PCDH12: variants seen among roughly 807,000 people sequenced by gnomAD.
The protein encoded by PCDH12 is protocadherin 12, also known as protocadherin-12.
A neutral mutation model predicts 70.9 loss-of-function variants in PCDH12; 45 were observed. That is an observed-to-expected ratio of 0.63 (90% CI 0.50 to 0.81). The LOEUF is 0.81. PCDH12 is among the 40% of genes least tolerant of loss of function. PCDH12 has a pLI of 0.00. For synonymous variants in PCDH12, 567 were observed against 626.0 expected, an observed-to-expected ratio of 0.91 and a Z score of 1.41; for missense variants, 1,370 against 1,491.7, an observed-to-expected ratio of 0.92 and a Z score of 1.34.
Position 141,955,266 on chromosome 5 carries a change from G to T in PCDH12, c.2586C>A (p.Asn862Lys). The T allele has an allele frequency of 6.2e-7, 1 of 1,614,230 alleles. No homozygotes were observed. ...CAGGCTGGGGCTCGGGAAGGTTCAGGTTCTCCCGGGAGGCATTCCTCTGCC... is the reference window on the plus strand; with the variant it reads ...CAGGCTGGGGCTCGGGAAGGTTCAGTTTCTCCCGGGAGGCATTCCTCTGCC... ...HPRQRNASRE[N>K]LNLPEPQPAT... is the part of the protein sequence containing the mutation. The change falls in exon 1 of 4, where the codon AAC becomes AAA. Residue 862 changes from asparagine (N) to lysine (K), a missense_variant. Coordinates refer to ENST00000231484, the MANE Select transcript of PCDH12 (RefSeq NM_016580.4). The surrounding 1 kb of genome is among the most constrained non-coding windows in gnomAD (Gnocchi z 5.5).
At chr5:141,949,170 G>C (rs1273968315) in intron 3 of PCDH12, among the ~76,000 whole-genome samples, 1 of 151,972 alleles carries the variant, frequency 6.6e-6, no homozygotes, top group Non-Finnish European at 1.5e-5. Flanking sequence ...GCTGCAGTGA[G>C]CTGTGATCAT....
rs1753161833 is a variant in PCDH12 at position 141,955,402 on chromosome 5, T to G, written c.2450A>C (p.His817Pro). The stretch of plus-strand genomic sequence containing the variant: ...CGTCCTGTACAGGGTCGGGGTGAGG[T>G]GGAAGGGGGCCTGCAGGCAGGGGTC... ...GWDPCLQAPF[H>P]LTPTLYRTLR... The change falls in exon 1 of 4, where the codon CAC (histidine) becomes CCC (proline). Residue 817 changes from histidine (H) to proline (P), a missense_variant. Physicochemically the swap from His to Pro is moderately conservative, Grantham distance 77 (BLOSUM62 -2). Coordinates refer to ENST00000231484, the MANE Select transcript of PCDH12 (RefSeq NM_016580.4). The surrounding 1 kb of genome is among the most constrained non-coding windows in gnomAD (Gnocchi z 5.5). 1 of 1,613,728 alleles carries G rather than the reference T, an allele frequency of 6.2e-7. No individual in the cohort carries two copies. The highest frequency in any genetic ancestry group is 1.7e-5 in the Admixed American group (1 of 59,976).
At chr5:141,951,377 C>A (rs1596644078) in intron 2 of PCDH12, 116 bp downstream of exon 2, 1 of 764,426 alleles carries the variant, frequency 1.3e-6, no homozygotes, top group Non-Finnish European at 2.3e-6. Flanking sequence ...CTGCTGCACC[C>A]TCCCAGGGGA....
chr5:141,956,064 A>G lies in PCDH12; in HGVS notation c.1788T>C (p.Asn596=), dbSNP rs763110745. Residue 596 remains asparagine (N), a synonymous_variant, in exon 1 of 4, where the codon AAT becomes AAC. Coordinates refer to ENST00000231484, the MANE Select transcript of PCDH12 (RefSeq NM_016580.4). ...GHLLVPIETP[N]GLGPAGTDTP... The stretch of plus-strand genomic sequence containing the variant: ...TGTCAGTGCCCGCTGGGCCCAAGCC[A>G]TTGGGAGTCTCGATGGGCACCAGCA... 5 of 1,613,972 alleles carry G rather than the reference A, an allele frequency of 3.1e-6. No homozygotes were observed. The African/African-American group carries it at 4.0e-5, about 13-fold the overall frequency.
Position 141,956,241 on chromosome 5 carries a change from T to A in PCDH12, c.1611A>T (p.Ala537=), listed in dbSNP as rs746519584. ...EMAGFEFQVI[A]EDSGQPMLAS... ...CAAGCATGGGTTGCCCGCTGTCCTC[T>A]GCGATCACCTGGAACTCAAAGCCGG... The change falls in exon 1 of 4, where the codon GCA becomes GCT. Residue 537 remains alanine, a synonymous_variant. Coordinates refer to ENST00000231484, the MANE Select transcript of PCDH12 (RefSeq NM_016580.4). 24 of 1,614,088 alleles carry A rather than the reference T, an allele frequency of 1.5e-5. No homozygotes were observed. Among genetic ancestry groups the A allele is most frequent in the Non-Finnish European group, 1.9e-5 (23 of 1,180,036 alleles).
intron 3 of PCDH12, among the ~76,000 whole-genome samples, chr5:141,948,645 C>A (rs1753003824): frequency 6.6e-6 from 1 of 152,126 alleles, no homozygotes; most frequent in Non-Finnish European, 1.5e-5. Context: ...TGAAACACAC[C>A]AAACGCCAAT....
At position 141,948,515 on chromosome 5, in the gene PCDH12, A is replaced by G. The variant is rs144796012; in HGVS notation, c.3130+917T>C. On this transcript the variant is annotated intron_variant, in intron 3 of 3. Coordinates refer to ENST00000231484, the MANE Select transcript of PCDH12 (RefSeq NM_016580.4). ...GGGGCGCTAGCAGATTCTTGAATTCAAGTTCACATTATGTATTTATTGTCA... is the reference window on the plus strand; with the variant it reads ...GGGGCGCTAGCAGATTCTTGAATTCGAGTTCACATTATGTATTTATTGTCA... Among the ~76,000 whole-genome samples, 11 of 152,346 alleles carry G rather than the reference A, an allele frequency of 7.2e-5. 1 individual carries two copies. The highest frequency in any genetic ancestry group is 2.6e-4 in the African/African-American group (11 of 41,578).
intron 3 of PCDH12, among the ~76,000 whole-genome samples, chr5:141,948,174 TG>T (rs1226104762): frequency 6.6e-6 from 1 of 152,208 alleles, no homozygotes. Context: ...TGCACAACCT[TG>T]GGCAAATTAT....
Position 141,956,102 on chromosome 5 carries a change from A to G in PCDH12, c.1750T>C (p.Ser584Pro). 6.2e-7 allele frequency: 1 copy of G among 1,614,114 alleles called. No homozygotes were observed. The highest frequency in any genetic ancestry group is 8.5e-7 in the Non-Finnish European group (1 of 1,180,000). ...KASLSVLVNA[S>P]TGHLLVPIET... ...ATGGGCACCAGCAGGTGGCCTGTGG[A>G]GGCATTCACAAGCACGGAGAGGCTG... Residue 584 changes from serine to proline, a missense_variant, in exon 1 of 4, where the codon TCC becomes CCC. Coordinates refer to ENST00000231484, the MANE Select transcript of PCDH12 (RefSeq NM_016580.4).
rs1255807065 is a variant in PCDH12 at position 141,955,345 on chromosome 5, G to A, written c.2507C>T (p.Ala836Val). ...GTCTTGCAGCACCTCTCGGCTCTCCGCCGGTGCTCCCTGGTTGCCTTGATT... is the reference window on the plus strand; with the variant it reads ...GTCTTGCAGCACCTCTCGGCTCTCCACCGGTGCTCCCTGGTTGCCTTGATT... The part of the protein sequence containing the change: ...LRNQGNQGAP[A>V]ESREVLQDTV... The change falls in exon 1 of 4, where the codon GCG becomes GTG. Residue 836 changes from alanine to valine, a missense_variant. Physicochemically the swap from Ala to Val is moderately conservative, Grantham distance 64. Transcript: ENST00000231484. The surrounding 1 kb of genome is among the most constrained non-coding windows in gnomAD (Gnocchi z 5.5). The A allele has an allele frequency of 2.5e-6, 4 of 1,614,030 alleles. No homozygotes were observed. The highest frequency in any genetic ancestry group is 1.3e-5 in the African/African-American group (1 of 74,932).
Position 141,955,580 on chromosome 5 carries a change from T to TGGACC in PCDH12, c.2271_2272insGGTCC (p.Thr758GlyfsTer48). On this transcript the variant is annotated frameshift_variant, in exon 1 of 4. Coordinates refer to ENST00000231484, the MANE Select transcript of PCDH12 (RefSeq NM_016580.4). LOFTEE classifies it high-confidence loss of function. This position sits in a 1 kb window ranked among gnomAD's most constrained non-coding sequence, Gnocchi z 5.5. The stretch of plus-strand genomic sequence containing the variant: ...GGCCTCTTGGGCTGCTGGCGGTAGG[T>TGGACC]GGACTCGGCCTCCCGACAGTTGTAG... 6.2e-7 allele frequency: 1 copy of TGGACC among 1,614,114 alleles called. No homozygotes were observed. Among genetic ancestry groups the TGGACC allele is most frequent in the Non-Finnish European group, 8.5e-7 (1 of 1,180,026 alleles).
intron 3 of PCDH12, among the ~76,000 whole-genome samples, chr5:141,946,982 C>T (rs1200227668): frequency 6.6e-6 from 1 of 151,598 alleles, no homozygotes; most frequent in African/African-American, 2.4e-5. Context: ...AAAATCTGCG[C>T]ACAGAATGAA....
intron 1 of PCDH12, among the ~76,000 whole-genome samples, chr5:141,954,232 C>T (rs1753138079): frequency 6.6e-6 from 1 of 152,172 alleles, no homozygotes; most frequent in Non-Finnish European, 1.5e-5. Context: ...AAGGTAATTT[C>T]CACTGCCCCA....
chr5:141,953,572 C>T (rs746611756), intron 1 of PCDH12, among the ~76,000 whole-genome samples: 1 of 152,192 alleles, frequency 6.6e-6, no homozygotes, highest in Non-Finnish European at 1.5e-5. Flanking sequence ...TGCCTGTTAC[C>T]CTCAAGTTGA....
chr5:141,955,378 G>A lies in PCDH12; in HGVS notation c.2474C>T (p.Thr825Met). ...PFHLTPTLYR[T>M]LRNQGNQGAP... ...TCCCTGGTTGCCTTGATTACGCAGC[G>A]TCCTGTACAGGGTCGGGGTGAGGTG... The change falls in exon 1 of 4, where the codon ACG becomes ATG. Residue 825 changes from threonine (T) to methionine (M), a missense_variant. Coordinates refer to ENST00000231484, the MANE Select transcript of PCDH12 (RefSeq NM_016580.4). This position sits in a 1 kb window ranked among gnomAD's most constrained non-coding sequence, Gnocchi z 5.5. 1 of 1,614,010 alleles carries A rather than the reference G, an allele frequency of 6.2e-7. No individual in the cohort carries two copies. Among genetic ancestry groups the A allele is most frequent in the Non-Finnish European group, 8.5e-7 (1 of 1,180,030 alleles).
At position 141,955,779 on chromosome 5, in the gene PCDH12, CA is replaced by C; in HGVS notation, c.2072del (p.Leu691Ter). On this transcript the variant is annotated frameshift_variant, in exon 1 of 4. Coordinates refer to ENST00000231484, the MANE Select transcript of PCDH12 (RefSeq NM_016580.4). LOFTEE classifies it high-confidence loss of function. This position sits in a 1 kb window ranked among gnomAD's most constrained non-coding sequence, Gnocchi z 5.5. ...CCACACTGGTGACAAACATGACCCT[CA>C]ACAGGGCTCGGGTCTGTAAGGGGGG... ...GSPPLQTRAL[L>X]RVMFVTSVDH... is the part of the protein sequence containing the mutation. The C allele has an allele frequency of 6.2e-7, 1 of 1,613,880 alleles. No homozygotes were observed.
At chr5:141,950,607 A>C (rs901414030) in intron 2 of PCDH12, among the ~76,000 whole-genome samples, 1 of 152,180 alleles carries the variant, frequency 6.6e-6, no homozygotes, top group African/African-American at 2.4e-5. Context: ...AGATAAAGCA[A>C]GACTTCAAAT....
In PCDH12 at chr5:141,957,904, G is replaced by C; in HGVS notation, c.-53C>G. The C allele has an allele frequency of 6.4e-7, 1 of 1,553,332 alleles. No individual in the cohort carries two copies. Among genetic ancestry groups the C allele is most frequent in the Non-Finnish European group, 8.7e-7 (1 of 1,155,436 alleles). ...AAACCACTAGAGTTCTTTCAAGGCTGGACAAGTCCTCCAGTGTTTCCTGGA... is the reference window on the plus strand; with the variant it reads ...AAACCACTAGAGTTCTTTCAAGGCTCGACAAGTCCTCCAGTGTTTCCTGGA... On this transcript the variant is annotated 5_prime_UTR_variant, in exon 1 of 4. Transcript: ENST00000231484. This position sits in a 1 kb window ranked among gnomAD's most constrained non-coding sequence, Gnocchi z 4.3.
chr5:141,954,738 A>G (rs1272353014), intron 1 of PCDH12, among the ~76,000 whole-genome samples: 1 of 152,200 alleles, frequency 6.6e-6, no homozygotes, highest in East Asian at 1.9e-4. Flanking sequence ...ATCATCTCTA[A>G]TTTACAGATA....
Sources: gnomAD v4.1 joint callset for allele counts (sites outside exome capture counted in the v4.1 genomes callset) on GRCh38, gnomAD v4.1.1 for gene constraint, Gnocchi (gnomAD v3.1) non-coding constraint, MANE v1.5 for transcripts, NCBI Gene and HGNC (gene_info 2026-07-23, HGNC 2026-07-21) for gene names.